RHCE: variants seen among roughly 807,000 people sequenced by gnomAD.
RHCE encodes the protein Rh blood group CcEe antigens.
A neutral mutation model predicts 43.8 loss-of-function variants in RHCE; 22 were observed. That is an observed-to-expected ratio of 0.50 (90% CI 0.36 to 0.72). The LOEUF (loss-of-function observed/expected upper bound fraction) is 0.72. Among genes scored for constraint, RHCE ranks in the 30% least tolerant of loss-of-function variants. RHCE has a pLI of 0.00. For missense variants in RHCE, 385 were observed against 525.4 expected (o/e 0.73, Z 2.61); for synonymous variants, 156 against 210.7 (o/e 0.74, Z 2.25).
At chr1:25,391,925 A>C in intron 4 of RHCE, 69 bp downstream of exon 4, 1 of 1,609,152 alleles carries the variant, frequency 6.2e-7, no homozygotes, top group Non-Finnish European at 8.5e-7. Context: ...AGATTTTTTC[A>C]GCCAGAGCCT....
intron 1 of RHCE, among the ~76,000 whole-genome samples, chr1:25,413,099 C>T (rs1455206077): frequency 1.2e-4 from 19 of 152,130 alleles, no homozygotes; most frequent in Non-Finnish European, 2.1e-4. Context: ...CCCCTGATCC[C>T]GATTCCCTGA....
intron 1 of RHCE, among the ~76,000 whole-genome samples, chr1:25,416,792 GT>G (rs576244724): frequency 0.085 from 8,428 of 99,520 alleles, 1,094 homozygotes; most frequent in African/African-American, 0.31. Context: ...AAATTTTACA[GT>G]TTTTTTTTTT....
In RHCE at chr1:25,411,192, A is replaced by T. The variant is rs1571911764; in HGVS notation, c.149-2323T>A. 6 of 803,330 alleles carry T rather than the reference A, an allele frequency of 7.5e-6. No homozygotes were observed. In the South Asian group the frequency reaches 1.6e-4, roughly 22 times the overall value. 49.8% of individuals were successfully genotyped at this position (803,330 alleles called of 1,614,324 possible). On this transcript the variant is annotated intron_variant, in intron 1 of 9. Transcript: ENST00000294413. ...TAAGTTGCTTACTTTCCTTATCAAC[A>T]GAATAAGGGTAATTAGAGCCACCTG...
intron 3 of RHCE, chr1:25,398,825 T>G: frequency 1.8e-6 from 2 of 1,130,044 alleles, no homozygotes; most frequent in Non-Finnish European, 2.7e-6. Context: ...CAGCATTTCT[T>G]CAGGACCGAC....
intron 1 of RHCE, among the ~76,000 whole-genome samples, chr1:25,416,757 C>T (rs1311622204): frequency 6.0e-5 from 9 of 149,442 alleles, no homozygotes; most frequent in Admixed American, 6.7e-5. Flanking sequence ...GCTGGGACTA[C>T]AGGCATGTGC....
intron 1 of RHCE, among the ~76,000 whole-genome samples, chr1:25,414,756 T>A (rs1647249079): frequency 6.6e-6 from 1 of 152,098 alleles, no homozygotes; most frequent in African/African-American, 2.4e-5. Context: ...TGGCCCCCAG[T>A]GAATCACCAA....
chr1:25,409,207 T>G (rs581424), intron 1 of RHCE, among the ~76,000 whole-genome samples: 1 of 122,816 alleles, frequency 8.1e-6, no homozygotes, highest in African/African-American at 2.6e-5. Context: ...ACGTGCTTGA[T>G]GCACATGGAC....
intron 1 of RHCE, among the ~76,000 whole-genome samples, chr1:25,417,657 ATAT>A (rs1176617335): frequency 2.0e-5 from 3 of 152,116 alleles, no homozygotes. Flanking sequence ...TAATTTGAAA[ATAT>A]TATATATTTC....
chr1:25,392,258 A>G, intron 3 of RHCE, 117 bp from the exon 4 acceptor site: 1 of 1,555,958 alleles, frequency 6.4e-7, no homozygotes, highest in Non-Finnish European at 8.9e-7. Context: ...TGAAGCCACG[A>G]GACTGGTGTT....
chr1:25,376,072 T>C (rs1220755834), intron 7 of RHCE, among the ~76,000 whole-genome samples: 1 of 152,054 alleles, frequency 6.6e-6, no homozygotes, highest in African/African-American at 2.4e-5. Flanking sequence ...ATTACAGACA[T>C]GAGCCACCAC....
At chr1:25,369,217 T>C (rs199651864) in intron 9 of RHCE, among the ~76,000 whole-genome samples, 4 of 151,760 alleles carry the variant, frequency 2.6e-5, no homozygotes, top group East Asian at 3.9e-4. Flanking sequence ...TCCAGGCCCA[T>C]AATAAGGCTG....
At chr1:25,410,321 G>A (rs1479282722) in intron 1 of RHCE, among the ~76,000 whole-genome samples, 1 of 152,182 alleles carries the variant, frequency 6.6e-6, no homozygotes, top group African/African-American at 2.4e-5. Context: ...TGACTGGAGA[G>A]AGAGAAATCT....
intron 1 of RHCE, among the ~76,000 whole-genome samples, 186 bp downstream of exon 1, chr1:25,420,453 A>G (rs538449886): frequency 6.6e-6 from 1 of 152,310 alleles, no homozygotes; most frequent in South Asian, 2.1e-4. Flanking sequence ...GGGCATGCCC[A>G]GGCTGCTTCT....
chr1:25,379,487 ATATATATATTTTTTT>A (rs1340321171), intron 7 of RHCE, among the ~76,000 whole-genome samples: 10 of 20,956 alleles, frequency 4.8e-4, no homozygotes, highest in Non-Finnish European at 6.8e-4. Context: ...ATATATATAT[ATATATATATTTTTTT>A]TTTTTTTTTT....
At chr1:25,391,537 C>G (rs922197810) in intron 4 of RHCE, among the ~76,000 whole-genome samples, 4 of 151,872 alleles carry the variant, frequency 2.6e-5, no homozygotes, top group African/African-American at 9.7e-5. Flanking sequence ...AACTTGACCC[C>G]GTGGCCTGAT....
rs889821402 is a variant in RHCE, at chr1:25,388,086, G to A, written c.939+890C>T. Among the ~76,000 whole-genome samples, 12 of 151,102 alleles carry A rather than the reference G, an allele frequency of 7.9e-5. No individual in the cohort carries two copies. The South Asian group carries it at 1.9e-3, about 24-fold the overall frequency. The stretch of plus-strand genomic sequence containing the variant: ...TGCCCGCCTCGGCCTCCCAAAGCGC[G>A]TGAGCCACTGCGCCCAGCCAGTTTT... On this transcript the variant is annotated intron_variant, in intron 6 of 9. Coordinates refer to ENST00000294413, the MANE Select transcript of RHCE (RefSeq NM_020485.8).
chr1:25,390,773 A>G lies in RHCE; in HGVS notation c.777T>C (p.Ala259=). The G allele has an allele frequency of 6.2e-7, 1 of 1,614,240 alleles. No homozygotes were observed. The highest frequency in any genetic ancestry group is 8.5e-7 in the Non-Finnish European group (1 of 1,180,044). Residue 259 remains alanine, a synonymous_variant, in exon 5 of 10, where the codon GCT becomes GCC. Transcript: ENST00000294413. Reference sequence around the variant, plus strand: ...CCATGCTGATCTTCCTTTGGGGGTGAGCCAAGGATGACCCTGAGATGGCTG... The same window carrying G: ...CCATGCTGATCTTCCTTTGGGGGTGGGCCAAGGATGACCCTGAGATGGCTG... The part of the protein sequence containing the change: ...VVTAISGSSL[A]HPQRKISMTY...
At chr1:25,380,386 G>A (rs983663893) in intron 7 of RHCE, among the ~76,000 whole-genome samples, 4 of 148,060 alleles carry the variant, frequency 2.7e-5, no homozygotes, top group Non-Finnish European at 4.5e-5. Flanking sequence ...GTTGCACTTC[G>A]CACAGGTTGG....
At chr1:25,406,916 C>T (rs1646940682) in intron 2 of RHCE, among the ~76,000 whole-genome samples, 1 of 120,304 alleles carries the variant, frequency 8.3e-6, no homozygotes, top group African/African-American at 2.5e-5. Context: ...TGAGCCACCG[C>T]GCCCGGCCCC....
Sources: gnomAD v4.1 joint callset for allele counts (sites outside exome capture counted in the v4.1 genomes callset) on GRCh38, gnomAD v4.1.1 for gene constraint, MANE v1.5 for transcripts, NCBI Gene and HGNC (gene_info 2026-07-23, HGNC 2026-07-21) for gene names.